The following PPP1R12B variants were observed in gnomAD, a reference collection of about 807,000 sequenced individuals.
The protein encoded by PPP1R12B is myosin phosphatase target subunit 2.
PPP1R12B carries 76 observed loss-of-function variants against 126.1 expected under a neutral mutation model. The observed-to-expected ratio is 0.60, with a 90% CI of 0.50 to 0.73. The LOEUF is 0.73. PPP1R12B is among the 30% of genes least tolerant of loss of function. The probability of loss-of-function intolerance (pLI) is 0.00; values close to 1 mark genes in which losing one functional copy is unlikely to be tolerated. For synonymous variants in PPP1R12B, 356 were observed against 434.7 expected (o/e 0.82, Z 2.25); for missense variants, 1,052 against 1,205.1 (o/e 0.87, Z 1.88).
At chr1:202,447,743 A>G (rs763313433) in intron 12 of PPP1R12B, among the ~76,000 whole-genome samples, 3 of 152,242 alleles carry the variant, frequency 2.0e-5, no homozygotes, top group Non-Finnish European at 4.4e-5. Context: ...CATGTTAGTA[A>G]CCTAAAAAGA....
intron 18 of PPP1R12B, among the ~76,000 whole-genome samples, chr1:202,504,716 A>G (rs1245184669): frequency 1.3e-5 from 2 of 152,196 alleles, no homozygotes; most frequent in Non-Finnish European, 2.9e-5. Context: ...GACAAATAAT[A>G]TAGCATAATA....
intron 18 of PPP1R12B, among the ~76,000 whole-genome samples, chr1:202,512,200 T>C (rs1483723193): frequency 1.3e-5 from 2 of 152,232 alleles, no homozygotes; most frequent in Non-Finnish European, 2.9e-5. Context: ...CAGACAGTTG[T>C]TGAATCTCTT....
Position 202,486,340 on chromosome 1 carries a change from C to T in PPP1R12B, c.1851-2193C>T, listed in dbSNP as rs189439993. 3.8e-3 allele frequency among the ~76,000 whole-genome samples: 582 copies of T among 152,086 alleles called. 1 individual carries two copies. Among genetic ancestry groups the T allele is most frequent in the African/African-American group, 0.013 (546 of 41,510 alleles). On this transcript the variant is annotated intron_variant, in intron 13 of 23. Coordinates refer to ENST00000608999, the MANE Select transcript of PPP1R12B (RefSeq NM_002481.4). ...TCTTGAGACCAAAACAATTTGAGAACCACTGCTCTAGATATTAAAATAACA... is the reference window on the plus strand; with the variant it reads ...TCTTGAGACCAAAACAATTTGAGAATCACTGCTCTAGATATTAAAATAACA...
intron 14 of PPP1R12B, 115 bp from the exon 15 acceptor site, chr1:202,492,999 G>A: frequency 9.0e-7 from 1 of 1,106,168 alleles, no homozygotes; most frequent in South Asian, 1.5e-5. Context: ...TGCATTTTGA[G>A]GGGCTTCATT....
chr1:202,406,498 T>G (rs1372798406), intron 1 of PPP1R12B, among the ~76,000 whole-genome samples: 1 of 152,220 alleles, frequency 6.6e-6, no homozygotes, highest in Non-Finnish European at 1.5e-5. Flanking sequence ...GCATTGAAAA[T>G]GTTCCATGAA....
intron 2 of PPP1R12B, chr1:202,417,398 G>C: frequency 1.0e-6 from 1 of 985,406 alleles, no homozygotes; most frequent in South Asian, 4.7e-5. Flanking sequence ...TGGAACAAAG[G>C]AAAGGTGGGC....
At chr1:202,360,704 C>T (rs1374196359) in intron 1 of PPP1R12B, among the ~76,000 whole-genome samples, 1 of 148,412 alleles carries the variant, frequency 6.7e-6, no homozygotes, top group Non-Finnish European at 1.5e-5. Flanking sequence ...AGTGAAACTC[C>T]GTCTCAAAAA....
At chr1:202,362,447 G>T (rs935126211) in intron 1 of PPP1R12B, among the ~76,000 whole-genome samples, 1 of 152,196 alleles carries the variant, frequency 6.6e-6, no homozygotes, top group Admixed American at 6.5e-5. Context: ...CTAGTGGTGA[G>T]CCGCATCCAT....
Position 202,556,590 on chromosome 1 carries a change from C to T in PPP1R12B, c.2491-2287C>T, listed in dbSNP as rs371092057. Among the ~76,000 whole-genome samples, 6 of 152,194 alleles carry T rather than the reference C, an allele frequency of 3.9e-5. No individual in the cohort carries two copies. In the East Asian group the frequency reaches 9.6e-4, roughly 24 times the overall value. ...TGTGTGTTTCTCTAATATGATCTTCCCAAAACTCCTATCTTTTAGGAGGTT... is the reference window on the plus strand; with the variant it reads ...TGTGTGTTTCTCTAATATGATCTTCTCAAAACTCCTATCTTTTAGGAGGTT... On this transcript the variant is annotated intron_variant, in intron 18 of 23. Transcript: ENST00000608999.
chr1:202,448,756 C>G (rs1169560094), intron 12 of PPP1R12B, among the ~76,000 whole-genome samples: 1 of 152,196 alleles, frequency 6.6e-6, no homozygotes, highest in Non-Finnish European at 1.5e-5. Context: ...CTCAGGCACA[C>G]ACATACACAT....
chr1:202,426,147 C>T (rs1669470380), intron 4 of PPP1R12B, among the ~76,000 whole-genome samples: 1 of 152,154 alleles, frequency 6.6e-6, no homozygotes, highest in African/African-American at 2.4e-5. Context: ...CACAGGATAG[C>T]CAAACTTATA....
chr1:202,588,824 A>AAGATAGATAT lies in PPP1R12B; in HGVS notation c.*8273_*8274insTAGATAGATA. 6.9e-6 allele frequency: 1 copy of AAGATAGATAT among 144,230 alleles called. No homozygotes were observed. Among genetic ancestry groups the AAGATAGATAT allele is most frequent in the Admixed American group, 6.9e-5 (1 of 14,526 alleles). 8.9% of individuals were successfully genotyped at this position (144,230 alleles called of 1,614,324 possible). A position where few individuals can be genotyped will look rare whatever the true frequency, so the allele number is the denominator to read the frequency against. On this transcript the variant is annotated 3_prime_UTR_variant, in exon 24 of 24. Transcript: ENST00000608999. Reference sequence around the variant, plus strand: ...CTAGATTGGCGTTCAAAAGAACCGTAAGATAGATAGATAGATAGATAGATA... The same window carrying AAGATAGATAT: ...CTAGATTGGCGTTCAAAAGAACCGTAAGATAGATATAGATAGATAGATAGATAGATAGATA...
At chr1:202,391,601 T>C (rs569744381) in intron 1 of PPP1R12B, among the ~76,000 whole-genome samples, 1 of 148,182 alleles carries the variant, frequency 6.7e-6, no homozygotes, top group African/African-American at 2.5e-5. Context: ...TCAGGTGTAC[T>C]GAAGATAAAT....
intron 1 of PPP1R12B, among the ~76,000 whole-genome samples, chr1:202,361,243 T>C (rs1422747083): frequency 6.6e-6 from 1 of 152,172 alleles, no homozygotes; most frequent in Non-Finnish European, 1.5e-5. Flanking sequence ...TTTGTTGCTA[T>C]AAAGGAATAC....
At position 202,425,749 on chromosome 1, in the gene PPP1R12B, G is replaced by A. The variant is rs373786524; in HGVS notation, c.701+24G>A. 3 of 1,591,792 alleles carry A rather than the reference G, an allele frequency of 1.9e-6. No individual in the cohort carries two copies. The African/African-American group carries it at 4.0e-5, about 21-fold the overall frequency. On this transcript the variant is annotated intron_variant, in intron 4 of 23. Transcript: ENST00000608999. Reference sequence around the variant, plus strand: ...AGGTATTGTCCATTTACATCAATCAGGAGTGGTTCACTGGGAGAAGATGGA... The same window carrying A: ...AGGTATTGTCCATTTACATCAATCAAGAGTGGTTCACTGGGAGAAGATGGA...
At chr1:202,537,850 A>G (rs886320087) in intron 18 of PPP1R12B, among the ~76,000 whole-genome samples, 13 of 152,258 alleles carry the variant, frequency 8.5e-5, no homozygotes, top group Non-Finnish European at 1.5e-5. Flanking sequence ...GTTAGTATTT[A>G]GGTTTACATC....
rs950005406 is a variant in PPP1R12B at position 202,455,694 on chromosome 1, G to A, written c.1850+6523G>A. Among the ~76,000 whole-genome samples the A allele has an allele frequency of 3.3e-5, 5 of 152,144 alleles. No individual in the cohort carries two copies. In the East Asian group the frequency reaches 9.6e-4, roughly 29 times the overall value. On this transcript the variant is annotated intron_variant, in intron 13 of 23. Coordinates refer to ENST00000608999, the MANE Select transcript of PPP1R12B (RefSeq NM_002481.4). ...CACAAGCATTTGTGTAGAAGTTTTCGTGTGGACATCTGGTTTGATTTCTCT... is the reference window on the plus strand; with the variant it reads ...CACAAGCATTTGTGTAGAAGTTTTCATGTGGACATCTGGTTTGATTTCTCT...
At chr1:202,393,763 AAAG>A (rs1371927361) in intron 1 of PPP1R12B, among the ~76,000 whole-genome samples, 1 of 152,238 alleles carries the variant, frequency 6.6e-6, no homozygotes, top group African/African-American at 2.4e-5. Context: ...GCTATGAACA[AAAG>A]AAGTAGACCC....
chr1:202,439,321 C>T (rs1182796282), intron 10 of PPP1R12B: 16 of 1,419,784 alleles, frequency 1.1e-5, no homozygotes, highest in Non-Finnish European at 1.5e-5. Flanking sequence ...ATCCTGAGGG[C>T]AGCCCTGAAG....
Sources: allele counts gnomAD v4.1 joint callset (sites outside exome capture counted in the v4.1 genomes callset), GRCh38; gene constraint gnomAD v4.1.1; transcripts MANE v1.5; gene names NCBI Gene and HGNC (gene_info 2026-07-23, HGNC 2026-07-21).